CACNG1: variants seen among roughly 807,000 people sequenced by gnomAD.
CACNG1 encodes calcium voltage-gated channel auxiliary subunit gamma 1.
A neutral mutation model predicts 22.0 loss-of-function variants in CACNG1; 21 were observed. The observed-to-expected ratio is 0.95, with a 90% CI of 0.68 to 1.37. The LOEUF (loss-of-function observed/expected upper bound fraction) is 1.37. Among genes scored for constraint, CACNG1 ranks in the 40% most tolerant of loss-of-function variants. The pLI, the probability that CACNG1 is intolerant of heterozygous loss-of-function variation, is 0.00. For synonymous variants in CACNG1, 127 were observed against 129.2 expected, an observed-to-expected ratio of 0.98 and a Z score of 0.12; for missense variants, 291 against 308.6, an observed-to-expected ratio of 0.94 and a Z score of 0.43.
intron 1 of CACNG1, among the ~76,000 whole-genome samples, chr17:67,048,723 CAG>C (rs1181571929): frequency 1.3e-5 from 2 of 152,024 alleles, no homozygotes; most frequent in African/African-American, 4.8e-5. Flanking sequence ...AATTAAGACA[CAG>C]AAATTATTTT....
In CACNG1 at chr17:67,055,068, T is replaced by C. The variant is rs1267420694; in HGVS notation, c.305-35T>C. On this transcript the variant is annotated intron_variant, in intron 2 of 3. Transcript: ENST00000226021. The surrounding 1 kb of genome is among the most constrained non-coding windows in gnomAD (Gnocchi z 4.5). ...CGAGCCATGACAAGAGCTCCCATGC[T>C]GAGGCCGCATGCTGGGTGTCCCTTG... The C allele has an allele frequency of 6.3e-7, 1 of 1,599,600 alleles. No individual in the cohort carries two copies. The highest frequency in any genetic ancestry group is 1.7e-5 in the Admixed American group (1 of 59,458).
chr17:67,045,778 C>CACCTGTAA (rs1366916735), intron 1 of CACNG1, among the ~76,000 whole-genome samples: 1 of 151,990 alleles, frequency 6.6e-6, no homozygotes, highest in Admixed American at 6.5e-5. Context: ...CTGCCTTGGC[C>CACCTGTAA]TCCCAGAGTG....
At chr17:67,046,444 T>C (rs897683797) in intron 1 of CACNG1, among the ~76,000 whole-genome samples, 12 of 152,200 alleles carry the variant, frequency 7.9e-5, no homozygotes, top group African/African-American at 2.9e-4. Flanking sequence ...CCTTCCCTCC[T>C]GCTTGCTCCA....
chr17:67,055,160 G>C lies in CACNG1; in HGVS notation c.362G>C (p.Gly121Ala), dbSNP rs1013688034. ...TTCAGCCTTGGCTTCATCATCCTGGGCAGCCTCTGTGTCCTCCTGTCCCTC... is the reference window on the plus strand; with the variant it reads ...TTCAGCCTTGGCTTCATCATCCTGGCCAGCCTCTGTGTCCTCCTGTCCCTC... Reference protein sequence around the residue: ...AIFSLGFIILGSLCVLLSLGK... With the variant: ...AIFSLGFIILASLCVLLSLGK... Residue 121 changes from glycine (G) to alanine (A), a missense_variant, in exon 3 of 4, where the codon GGC becomes GCC. Transcript: ENST00000226021. The surrounding 1 kb of genome is among the most constrained non-coding windows in gnomAD (Gnocchi z 4.5). The C allele has an allele frequency of 3.7e-6, 6 of 1,614,186 alleles. No homozygotes were observed. Among genetic ancestry groups the C allele is most frequent in the Non-Finnish European group, 5.1e-6 (6 of 1,180,006 alleles).
chr17:67,046,000 G>A (rs764480263), intron 1 of CACNG1, among the ~76,000 whole-genome samples: 10 of 152,180 alleles, frequency 6.6e-5, no homozygotes, highest in South Asian at 2.1e-4. Context: ...TGGTAGTCGC[G>A]TGACTAGCCT....
At chr17:67,047,946 A>G (rs1227247786) in intron 1 of CACNG1, among the ~76,000 whole-genome samples, 3 of 152,220 alleles carry the variant, frequency 2.0e-5, no homozygotes, top group African/African-American at 7.2e-5. Flanking sequence ...GCTGAGCATG[A>G]AAGTCATATG....
rs1487297104 is a variant in CACNG1, at chr17:67,054,177, T to G, written c.304+107T>G. ...AAAGCACTGACTTCCTCACGCCTGA[T>G]GAGAAGAAGCCTGTGGTGCATTTGA... On this transcript the variant is annotated intron_variant, in intron 2 of 3. Coordinates refer to ENST00000226021, the MANE Select transcript of CACNG1 (RefSeq NM_000727.4). The surrounding 1 kb of genome is among the most constrained non-coding windows in gnomAD (Gnocchi z 4.6). The G allele has an allele frequency of 4.4e-6, 4 of 901,888 alleles. No individual in the cohort carries two copies. The highest frequency in any genetic ancestry group is 1.8e-5 in the Admixed American group (1 of 55,098). 55.9% of individuals were successfully genotyped at this position (901,888 alleles called of 1,614,324 possible).
chr17:67,051,692 C>T (rs769684270), intron 1 of CACNG1, among the ~76,000 whole-genome samples: 2 of 152,276 alleles, frequency 1.3e-5, no homozygotes, highest in Admixed American at 1.3e-4. Context: ...CAGAAGCTCA[C>T]AACCTGGCTC....
chr17:67,044,913 G>T lies in CACNG1; in HGVS notation c.229+24G>T. On this transcript the variant is annotated intron_variant, in intron 1 of 3. Coordinates refer to ENST00000226021, the MANE Select transcript of CACNG1 (RefSeq NM_000727.4). This position sits in a 1 kb window ranked among gnomAD's most constrained non-coding sequence, Gnocchi z 6.9. ...GGGTAACGTACCCACCCTCCGTCCCGATCCCCACCTCCTGCTCTTCCCCGT... is the reference window on the plus strand; with the variant it reads ...GGGTAACGTACCCACCCTCCGTCCCTATCCCCACCTCCTGCTCTTCCCCGT... The T allele has an allele frequency of 6.4e-7, 1 of 1,566,292 alleles. No individual in the cohort carries two copies.
rs1222532771 is a variant in CACNG1, at chr17:67,054,495, G to A, written c.304+425G>A. Among the ~76,000 whole-genome samples, 1 of 152,162 alleles carries A rather than the reference G, an allele frequency of 6.6e-6. No homozygotes were observed. The highest frequency in any genetic ancestry group is 2.4e-5 in the African/African-American group (1 of 41,416). ...GTACCAGGAGGGTGCGGTGGGCTCTGGGAGCTTTTCAGGATCCGCAGAGCT... is the reference window on the plus strand; with the variant it reads ...GTACCAGGAGGGTGCGGTGGGCTCTAGGAGCTTTTCAGGATCCGCAGAGCT... On this transcript the variant is annotated intron_variant, in intron 2 of 3. Coordinates refer to ENST00000226021, the MANE Select transcript of CACNG1 (RefSeq NM_000727.4). This position sits in a 1 kb window ranked among gnomAD's most constrained non-coding sequence, Gnocchi z 4.6.
At position 67,056,124 on chromosome 17, in the gene CACNG1, C is replaced by A; in HGVS notation, c.522C>A (p.Ile174=). The change falls in exon 4 of 4, where the codon ATC becomes ATA. Residue 174 remains isoleucine, a synonymous_variant. Transcript: ENST00000226021. The surrounding 1 kb of genome is among the most constrained non-coding windows in gnomAD (Gnocchi z 4.3). ...RMIDSEDTVW[I]EYYYSWSFAC... is the part of the protein sequence containing the mutation. ...TTGACAGTGAGGACACCGTCTGGAT[C>A]GAGTACTATTACTCCTGGTCCTTTG... is the stretch of plus-strand genomic sequence containing the variant. 1 of 1,613,718 alleles carries A rather than the reference C, an allele frequency of 6.2e-7. No homozygotes were observed. The highest frequency in any genetic ancestry group is 8.5e-7 in the Non-Finnish European group (1 of 1,179,938).
At chr17:67,049,832 G>A (rs2035718443) in intron 1 of CACNG1, among the ~76,000 whole-genome samples, 1 of 152,224 alleles carries the variant, frequency 6.6e-6, no homozygotes, top group African/African-American at 2.4e-5. Context: ...CTGGTGCAGT[G>A]GAGCAGACTT....
chr17:67,050,002 A>T (rs2035719428), intron 1 of CACNG1, among the ~76,000 whole-genome samples: 1 of 152,240 alleles, frequency 6.6e-6, no homozygotes, highest in Non-Finnish European at 1.5e-5. Context: ...GAATGAGAGT[A>T]GGAGCCTCTC....
Position 67,055,491 on chromosome 17 carries a change from T to C in CACNG1, c.442+251T>C, listed in dbSNP as rs1379189318. Among the ~76,000 whole-genome samples, 1 of 152,144 alleles carries C rather than the reference T, an allele frequency of 6.6e-6. No homozygotes were observed. Among genetic ancestry groups the C allele is most frequent in the Non-Finnish European group, 1.5e-5 (1 of 68,026 alleles). ...CCAAAGAAACTGCCCAGAGAATGATTAACAAAAGAAGGAAAGAAACGTGGT... is the reference window on the plus strand; with the variant it reads ...CCAAAGAAACTGCCCAGAGAATGATCAACAAAAGAAGGAAAGAAACGTGGT... On this transcript the variant is annotated intron_variant, in intron 3 of 3. Coordinates refer to ENST00000226021, the MANE Select transcript of CACNG1 (RefSeq NM_000727.4). This position sits in a 1 kb window ranked among gnomAD's most constrained non-coding sequence, Gnocchi z 4.5.
intron 1 of CACNG1, among the ~76,000 whole-genome samples, chr17:67,049,139 AAGAT>A (rs1412323380): frequency 2.6e-5 from 4 of 152,228 alleles, no homozygotes; most frequent in Non-Finnish European, 4.4e-5. Context: ...AAACTGTTGA[AAGAT>A]AGAGACAGAG....
chr17:67,046,527 CA>C (rs1376694413), intron 1 of CACNG1, among the ~76,000 whole-genome samples: 1 of 152,152 alleles, frequency 6.6e-6, no homozygotes, highest in African/African-American at 2.4e-5. Flanking sequence ...GTAGAAACAC[CA>C]AGTCCCAGGG....
intron 1 of CACNG1, among the ~76,000 whole-genome samples, chr17:67,046,952 G>A (rs1275457231): frequency 1.3e-5 from 2 of 152,158 alleles, no homozygotes; most frequent in Non-Finnish European, 2.9e-5. Context: ...GTGACACTGA[G>A]CACTACCTTT....
intron 1 of CACNG1, among the ~76,000 whole-genome samples, chr17:67,052,961 A>G (rs185579670): frequency 2.0e-3 from 304 of 152,190 alleles, no homozygotes; most frequent in African/African-American, 7.1e-3. Flanking sequence ...TTTATAGTAT[A>G]CCTAGCTATG....
chr17:67,052,932 G>A (rs894639825), intron 1 of CACNG1, among the ~76,000 whole-genome samples: 2 of 151,996 alleles, frequency 1.3e-5, no homozygotes, highest in Non-Finnish European at 2.9e-5. Flanking sequence ...GAGCCACCAC[G>A]CCCGGCCTGT....
Sources: gnomAD v4.1 joint callset for allele counts (sites outside exome capture counted in the v4.1 genomes callset) on GRCh38, gnomAD v4.1.1 for gene constraint, Gnocchi (gnomAD v3.1) non-coding constraint, MANE v1.5 for transcripts, NCBI Gene and HGNC (gene_info 2026-07-23, HGNC 2026-07-21) for gene names.